Variants in MYH9 observed in about 807,000 individuals in gnomAD.
The protein encoded by MYH9 is myosin heavy chain 9, also known as myosin-9.
A neutral mutation model predicts 241.9 loss-of-function variants in MYH9; 29 were observed. That is an observed-to-expected ratio of 0.12 (90% CI 0.09 to 0.16). The LOEUF is 0.16. MYH9 is among the 10% of genes least tolerant of loss of function. MYH9 has a pLI of 1.00. For synonymous variants in MYH9, 1,047 were observed against 1,062.6 expected, an observed-to-expected ratio of 0.99 and a Z score of 0.29; for missense variants, 1,803 against 2,595.5, an observed-to-expected ratio of 0.69 and a Z score of 6.63.
At chr22:36,333,252 G>A (rs1201316068) in intron 3 of MYH9, among the ~76,000 whole-genome samples, 1 of 152,218 alleles carries the variant, frequency 6.6e-6, no homozygotes, top group East Asian at 1.9e-4. Context: ...GGACATCAAT[G>A]GTAGGAGGTG....
chr22:36,310,841 G>T (rs1225493553), intron 14 of MYH9, among the ~76,000 whole-genome samples: 1 of 152,262 alleles, frequency 6.6e-6, no homozygotes, highest in Non-Finnish European at 1.5e-5. Flanking sequence ...GCACTGATGA[G>T]CGTGTGCGTT....
At position 36,317,663 on chromosome 22, in the gene MYH9, C is replaced by T. The variant is rs193130059; in HGVS notation, c.1227+544G>A. ...GCACCATAAAAGAAACTAGAAACCCCGGAGAGAGGCAGAAAGCGGTCCGCA... is the reference window on the plus strand; with the variant it reads ...GCACCATAAAAGAAACTAGAAACCCTGGAGAGAGGCAGAAAGCGGTCCGCA... On this transcript the variant is annotated intron_variant, in intron 11 of 40. Transcript: ENST00000216181. Among the ~76,000 whole-genome samples the T allele has an allele frequency of 3.9e-5, 6 of 152,326 alleles. No homozygotes were observed. The East Asian group carries it at 7.7e-4, about 20-fold the overall frequency.
At chr22:36,367,026 C>T (rs2018021210) in intron 1 of MYH9, among the ~76,000 whole-genome samples, 1 of 152,162 alleles carries the variant, frequency 6.6e-6, no homozygotes, top group Non-Finnish European at 1.5e-5. Context: ...AGGTGGTGAA[C>T]GCCTTGCATA....
Position 36,296,958 on chromosome 22 carries a change from G to C in MYH9, c.3157C>G (p.Leu1053Val). Residue 1053 changes from leucine (L) to valine (V), a missense_variant, in exon 25 of 41, where the codon CTG (leucine) becomes GTG (valine). By Grantham distance (32) the Leu-to-Val change is conservative (BLOSUM62 1). Around this residue, in one of 11 missense-constraint regions of MYH9, gnomAD observed 290 missense variants for 360.5 expected, o/e 0.80. Transcript: ENST00000216181. The part of the protein sequence containing the change: ...RQELEKTRRK[L>V]EGDSTDLSDQ... The stretch of plus-strand genomic sequence containing the variant: ...CTGAGGTCTGTGGAGTCTCCCTCCA[G>C]CTTCCGGCGGGTCTTCTCCAGCTCC... 1 of 1,614,182 alleles carries C rather than the reference G, an allele frequency of 6.2e-7. No individual in the cohort carries two copies. Among genetic ancestry groups the C allele is most frequent in the Non-Finnish European group, 8.5e-7 (1 of 1,180,040 alleles).
At chr22:36,298,147 T>C (rs1451991436) in intron 24 of MYH9, among the ~76,000 whole-genome samples, 1 of 152,106 alleles carries the variant, frequency 6.6e-6, no homozygotes, top group African/African-American at 2.4e-5. Flanking sequence ...CGGACAAGAC[T>C]GTGAAACTAA....
chr22:36,314,888 A>ATTCT (rs956777472), intron 12 of MYH9, among the ~76,000 whole-genome samples: 7 of 152,150 alleles, frequency 4.6e-5, no homozygotes, highest in African/African-American at 1.7e-4. Context: ...AGCTCAAGCA[A>ATTCT]TTCTTCTGCC....
chr22:36,283,461 C>T (rs190985416), intron 40 of MYH9, among the ~76,000 whole-genome samples: 52 of 150,502 alleles, frequency 3.5e-4, no homozygotes, highest in Admixed American at 2.4e-3. Context: ...CGCTTGAACC[C>T]GGGAGGCAGA....
chr22:36,303,629 C>T (rs918286103), intron 19 of MYH9, among the ~76,000 whole-genome samples: 2 of 151,628 alleles, frequency 1.3e-5, no homozygotes, highest in Admixed American at 1.3e-4. Context: ...ACTAAAAATA[C>T]AAAAATTAGC....
In MYH9 at chr22:36,288,749, T is replaced by C; in HGVS notation, c.4748A>G (p.Lys1583Arg). The change falls in exon 33 of 41, where the codon AAG becomes AGG. Residue 1583 changes from lysine to arginine, a missense_variant. Lys to Arg is a conservative substitution (Grantham distance 26, BLOSUM62 2). This residue lies in a region of MYH9 where 876 missense variants were observed against 1,077.8 expected (regional missense o/e 0.81). Coordinates refer to ENST00000216181, the MANE Select transcript of MYH9 (RefSeq NM_002473.6). The surrounding 1 kb of genome is among the most constrained non-coding windows in gnomAD (Gnocchi z 4.8). ...LQGRDEQSEE[K>R]KKQLVRQVRE... ...CACCTGTCTGACCAGCTGCTTCTTC[T>C]TCTCCTCGCTCTGCTCGTCCCGGCC... 6.2e-7 allele frequency: 1 copy of C among 1,605,802 alleles called. No individual in the cohort carries two copies. The highest frequency in any genetic ancestry group is 8.5e-7 in the Non-Finnish European group (1 of 1,179,962).
At chr22:36,325,306 C>A (rs1402392581) in intron 5 of MYH9, among the ~76,000 whole-genome samples, 1 of 152,194 alleles carries the variant, frequency 6.6e-6, no homozygotes, top group Non-Finnish European at 1.5e-5. Context: ...TGGTTCGGTT[C>A]CAGAAGACTG....
intron 1 of MYH9, among the ~76,000 whole-genome samples, chr22:36,372,034 T>C (rs552315564): frequency 6.6e-6 from 1 of 152,076 alleles, no homozygotes; most frequent in Non-Finnish European, 1.5e-5. Flanking sequence ...CTGATATGTA[T>C]TTAATGAACA....
Position 36,288,532 on chromosome 22 carries a change from T to C in MYH9, c.4771-119A>G. The stretch of plus-strand genomic sequence containing the variant: ...GATCCATGGGGCCTCGGGAAACCAG[T>C]GGGGATTACTGACCATAAGAACTCT... On this transcript the variant is annotated intron_variant, in intron 33 of 40. Transcript: ENST00000216181. This position sits in a 1 kb window ranked among gnomAD's most constrained non-coding sequence, Gnocchi z 4.8. 3 of 1,403,830 alleles carry C rather than the reference T, an allele frequency of 2.1e-6. No individual in the cohort carries two copies. The highest frequency in any genetic ancestry group is 3.0e-6 in the Non-Finnish European group (3 of 1,006,586). The allele number at this position is 1,403,830 out of a possible 1,614,324, so 87.0% of individuals were successfully genotyped here.
chr22:36,287,827 T>C (rs2016613836), intron 34 of MYH9, among the ~76,000 whole-genome samples: 1 of 152,236 alleles, frequency 6.6e-6, no homozygotes, highest in South Asian at 2.1e-4. Flanking sequence ...TACGTGTTAA[T>C]TATTCTTTAA....
In MYH9 at chr22:36,295,407, T is replaced by C. The variant is rs890154658; in HGVS notation, c.3485+98A>G. ...TGGTGCCTAAGAGGGCCACGGTGTG[T>C]GTGTGTGTGTGTGTGCAGAGGCCCG... On this transcript the variant is annotated intron_variant, in intron 26 of 40. Coordinates refer to ENST00000216181, the MANE Select transcript of MYH9 (RefSeq NM_002473.6). The surrounding 1 kb of genome is among the most constrained non-coding windows in gnomAD (Gnocchi z 4.1). 8.3e-6 allele frequency: 8 copies of C among 965,262 alleles called. No homozygotes were observed. In the Admixed American group the frequency reaches 1.3e-4, roughly 16 times the overall value. 59.8% of individuals were successfully genotyped at this position (965,262 alleles called of 1,614,324 possible). A position where few individuals can be genotyped will look rare whatever the true frequency, so the allele number is the denominator to read the frequency against.
rs148107890 is a variant in MYH9, at chr22:36,362,056, G to A, written c.-19-12801C>T. Among the ~76,000 whole-genome samples the A allele has an allele frequency of 5.7e-3, 874 of 152,206 alleles. 14 individuals carry two copies. Among genetic ancestry groups the A allele is most frequent in the African/African-American group, 0.02 (834 of 41,512 alleles). ...TGTACTCCAGCCTGGGGGACAGAGC[G>A]AGACTCTGCCTCAAAAATAAAAAAA... On this transcript the variant is annotated intron_variant, in intron 1 of 40. Transcript: ENST00000216181.
intron 1 of MYH9, among the ~76,000 whole-genome samples, chr22:36,384,292 C>T (rs1371766755): frequency 1.4e-5 from 2 of 147,050 alleles, no homozygotes; most frequent in Non-Finnish European, 3.0e-5. Context: ...CAAACAAAAA[C>T]CATATATGAG....
chr22:36,322,461 T>C lies in MYH9; in HGVS notation c.673A>G (p.Lys225Glu), dbSNP rs759316855. Residue 225 changes from lysine (K) to glutamate (E), a missense_variant, in exon 6 of 41, where the codon AAG (lysine) becomes GAG (glutamate). Around this residue, in one of 11 missense-constraint regions of MYH9, gnomAD observed 222 missense variants for 359.9 expected, o/e 0.62. Coordinates refer to ENST00000216181, the MANE Select transcript of MYH9 (RefSeq NM_002473.6). ...GAGGAGTTGTCATTCTTCACGGTCTTGGCGTTCCCGAAGGCCTCCAGGATG... is the reference window on the plus strand; with the variant it reads ...GAGGAGTTGTCATTCTTCACGGTCTCGGCGTTCCCGAAGGCCTCCAGGATG... ...NPILEAFGNA[K>E]TVKNDNSSRF... The C allele has an allele frequency of 1.2e-6, 2 of 1,613,920 alleles. No individual in the cohort carries two copies. The highest frequency in any genetic ancestry group is 1.7e-6 in the Non-Finnish European group (2 of 1,180,004).
chr22:36,296,295 C>G (rs1420973452), intron 25 of MYH9, among the ~76,000 whole-genome samples: 5 of 152,228 alleles, frequency 3.3e-5, no homozygotes, highest in South Asian at 2.1e-4. Context: ...AGTGCAATGG[C>G]ACGATCTTGG....
chr22:36,293,403 A>C lies in MYH9; in HGVS notation c.4021T>G (p.Phe1341Val). The change falls in exon 30 of 41, where the codon TTC becomes GTC. Residue 1341 changes from phenylalanine to valine, a missense_variant. Physicochemically the swap from Phe to Val is conservative, Grantham distance 50 (BLOSUM62 -1). This residue lies in a region of MYH9 where 876 missense variants were observed against 1,077.8 expected (regional missense o/e 0.81). Transcript: ENST00000216181. The surrounding 1 kb of genome is among the most constrained non-coding windows in gnomAD (Gnocchi z 5.1). ...TCCTCCTCCTCCAGCTGCTCCCGGA[A>C]GGAATTCTTCTCGTCCTCCACCTGC... ...LKQVEDEKNS[F>V]REQLEEEEEA... 1 of 1,614,032 alleles carries C rather than the reference A, an allele frequency of 6.2e-7. No homozygotes were observed. The highest frequency in any genetic ancestry group is 2.2e-5 in the East Asian group (1 of 44,878).
Sources: gnomAD v4.1 joint callset for allele counts (sites outside exome capture counted in the v4.1 genomes callset) on GRCh38, gnomAD v4.1.1 for gene constraint, gnomAD v4.1.1 regional missense constraint, Gnocchi (gnomAD v3.1) non-coding constraint, MANE v1.5 for transcripts, NCBI Gene and HGNC (gene_info 2026-07-23, HGNC 2026-07-21) for gene names.